The following ATP8A1 variants were observed in gnomAD, a reference collection of about 807,000 sequenced individuals.
The protein encoded by ATP8A1 is phospholipid-transporting ATPase IA.
A neutral mutation model predicts 177.7 loss-of-function variants in ATP8A1; 90 were observed. The observed-to-expected ratio is 0.51, with a 90% CI of 0.43 to 0.60. ATP8A1 has a LOEUF of 0.60. ATP8A1 is among the 20% of genes least tolerant of loss of function. ATP8A1 has a pLI of 0.00. For missense variants in ATP8A1, 1,072 were observed against 1,392.8 expected (o/e 0.77, Z 3.67); for synonymous variants, 493 against 485.9 (o/e 1.01, Z -0.19).
chr4:42,566,425 C>A (rs1231094814), intron 15 of ATP8A1, among the ~76,000 whole-genome samples: 1 of 152,158 alleles, frequency 6.6e-6, no homozygotes, highest in Non-Finnish European at 1.5e-5. Flanking sequence ...CAGTCAGATG[C>A]CTGGAGCACA....
chr4:42,575,555 T>C (rs1367046972), intron 13 of ATP8A1, 67 bp downstream of exon 13: 1 of 1,295,936 alleles, frequency 7.7e-7, no homozygotes, highest in Non-Finnish European at 1.1e-6. Context: ...AGTTATCATA[T>C]ATGGCAGATA....
chr4:42,453,396 G>T (rs1044217478), intron 29 of ATP8A1, among the ~76,000 whole-genome samples: 1 of 152,098 alleles, frequency 6.6e-6, no homozygotes, highest in Non-Finnish European at 1.5e-5. Flanking sequence ...TGTAAAACAG[G>T]GTTGGCAACT....
chr4:42,538,721 C>T (rs932647401), intron 20 of ATP8A1, among the ~76,000 whole-genome samples: 1 of 152,222 alleles, frequency 6.6e-6, no homozygotes, highest in Non-Finnish European at 1.5e-5. Context: ...CACCTTACTC[C>T]TGCAAGAATG....
chr4:42,641,293 A>T (rs1178686442), intron 1 of ATP8A1, among the ~76,000 whole-genome samples: 1 of 152,194 alleles, frequency 6.6e-6, no homozygotes, highest in African/African-American at 2.4e-5. Flanking sequence ...AGGCATGTAG[A>T]GCATAAATGT....
chr4:42,434,377 A>G (rs1039668578), intron 33 of ATP8A1, among the ~76,000 whole-genome samples: 1 of 152,226 alleles, frequency 6.6e-6, no homozygotes, highest in Non-Finnish European at 1.5e-5. Flanking sequence ...CTCATAAAGC[A>G]TCAGTTGTTT....
chr4:42,643,467 C>T (rs570999526), intron 1 of ATP8A1, among the ~76,000 whole-genome samples: 1 of 152,248 alleles, frequency 6.6e-6, no homozygotes, highest in African/African-American at 2.4e-5. Flanking sequence ...GGGCTCAGGG[C>T]CCAAAACTTT....
At chr4:42,483,824 T>A (rs1721936075) in intron 25 of ATP8A1, among the ~76,000 whole-genome samples, 1 of 152,188 alleles carries the variant, frequency 6.6e-6, no homozygotes, top group Non-Finnish European at 1.5e-5. Context: ...CCAACCAAAC[T>A]GTGATTTGAC....
rs1390779945 is a variant in ATP8A1 at position 42,459,704 on chromosome 4, C to T, written c.2620-4105G>A. 7.2e-5 allele frequency among the ~76,000 whole-genome samples: 11 copies of T among 152,278 alleles called. No homozygotes were observed. The South Asian group carries it at 2.3e-3, about 32-fold the overall frequency. ...ATTTTGCTTCAAAACACACACTATT[C>T]CAGACCAAATCTAGCAGTAATGAAC... On this transcript the variant is annotated intron_variant, in intron 27 of 36. Transcript: ENST00000381668.
At chr4:42,637,074 A>C (rs1739468328) in intron 1 of ATP8A1, 11 of 510,134 alleles carry the variant, frequency 2.2e-5, no homozygotes, top group South Asian at 1.6e-4. Context: ...CATCTAATGT[A>C]GGTGGGCAGT....
chr4:42,618,204 A>G (rs1019159907), intron 4 of ATP8A1, among the ~76,000 whole-genome samples: 1 of 152,120 alleles, frequency 6.6e-6, no homozygotes, highest in Non-Finnish European at 1.5e-5. Flanking sequence ...TTATCACATC[A>G]TTGCCAGGTT....
Position 42,552,568 on chromosome 4 carries a change from C to T in ATP8A1, c.1456G>A (p.Val486Ile), listed in dbSNP as rs761117202. The T allele has an allele frequency of 1.2e-6, 2 of 1,613,760 alleles. No homozygotes were observed. Among genetic ancestry groups the T allele is most frequent in the Non-Finnish European group, 1.7e-6 (2 of 1,179,920 alleles). ...IICEFLTMMA[V>I]CHTAVPEREG... The stretch of plus-strand genomic sequence containing the variant: ...CGCTCTGGCACTGCTGTGTGACAGA[C>T]TGCCATCATTGTAAGAAATTCACAT... Residue 486 changes from valine (V) to isoleucine (I), a missense_variant, in exon 17 of 37, where the codon GTC (valine) becomes ATC (isoleucine). This residue lies in a region of ATP8A1 where 388 missense variants were observed against 471.7 expected (regional missense o/e 0.82). Transcript: ENST00000381668.
intron 23 of ATP8A1, among the ~76,000 whole-genome samples, chr4:42,503,918 C>T (rs1019213760): frequency 3.3e-5 from 5 of 152,142 alleles, no homozygotes; most frequent in Non-Finnish European, 7.4e-5. Context: ...CTCTTGGATC[C>T]GCTGATCCCA....
intron 25 of ATP8A1, chr4:42,471,959 A>G (rs1042179489): frequency 5.8e-5 from 40 of 692,016 alleles, no homozygotes; most frequent in Non-Finnish European, 1.1e-4. Flanking sequence ...GCAGCCAAAG[A>G]GCCTAAGTTG....
At chr4:42,544,018 T>C in intron 19 of ATP8A1, 32 bp from the exon 20 acceptor site, 2 of 1,566,962 alleles carry the variant, frequency 1.3e-6, no homozygotes, top group Non-Finnish European at 1.8e-6. Context: ...TAATGTGTCA[T>C]CATACCAAGG....
chr4:42,554,299 A>G (rs1729823419), intron 16 of ATP8A1, among the ~76,000 whole-genome samples: 1 of 152,198 alleles, frequency 6.6e-6, no homozygotes, highest in Non-Finnish European at 1.5e-5. Context: ...GATTCTAGCA[A>G]TCAGTGCCAA....
intron 16 of ATP8A1, among the ~76,000 whole-genome samples, chr4:42,555,139 A>ATCTATCTATCTATCTATCTATCTATCT (rs1553903246): frequency 1.7e-5 from 1 of 59,528 alleles, no homozygotes; most frequent in Admixed American, 1.6e-4. Context: ...CTATCTATCT[A>ATCTATCTATCTATCTATCTATCTATCT]ATCTATCTAT....
At chr4:42,574,366 G>C (rs573672329) in intron 14 of ATP8A1, among the ~76,000 whole-genome samples, 2 of 152,184 alleles carry the variant, frequency 1.3e-5, no homozygotes, top group Admixed American at 6.5e-5. Flanking sequence ...CAGGGCAAGA[G>C]AGAGACTTTC....
rs1057390707 is a variant in ATP8A1, at chr4:42,626,903, CTG to C, written c.164+90_164+91del. ...CAGGGAGCTCTCAAATATTAACTGA[CTG>C]CACTGAAAGCTCTTTGCAAGCATTT... On this transcript the variant is annotated intron_variant, in intron 2 of 36. Coordinates refer to ENST00000381668, the MANE Select transcript of ATP8A1 (RefSeq NM_006095.2). 1.0e-5 allele frequency: 9 copies of C among 877,660 alleles called. No homozygotes were observed. The African/African-American group carries it at 1.5e-4, about 15-fold the overall frequency. The allele number at this position is 877,660 out of a possible 1,614,324, so 54.4% of individuals were successfully genotyped here.
chr4:42,506,170 A>T (rs905369286), intron 23 of ATP8A1, among the ~76,000 whole-genome samples: 1 of 152,072 alleles, frequency 6.6e-6, no homozygotes, highest in East Asian at 1.9e-4. Context: ...GTTCCCCCCA[A>T]ATTCATATGC....
Sources: gnomAD v4.1 joint callset for allele counts (sites outside exome capture counted in the v4.1 genomes callset) on GRCh38, gnomAD v4.1.1 for gene constraint, gnomAD v4.1.1 regional missense constraint, MANE v1.5 for transcripts, NCBI Gene and HGNC (gene_info 2026-07-23, HGNC 2026-07-21) for gene names.